The following DLGAP2 variants were observed in gnomAD, a reference collection of about 807,000 sequenced individuals.
DLGAP2 encodes DLG associated protein 2.
In DLGAP2, 26 loss-of-function variants were observed where a neutral mutation model predicts 100.3. The ratio of observed to expected loss-of-function variants is 0.26; its 90% CI spans 0.19 to 0.36. DLGAP2 has a LOEUF of 0.36. DLGAP2 is among the 10% of genes least tolerant of loss of function. The probability of loss-of-function intolerance (pLI) is 1.00; values close to 1 mark genes in which losing one functional copy is unlikely to be tolerated. For synonymous variants in DLGAP2, 886 were observed against 630.1 expected, an observed-to-expected ratio of 1.41 and a Z score of -6.08; for missense variants, 1,858 against 1,453.2, an observed-to-expected ratio of 1.28 and a Z score of -4.53.
chr8:981,254 G>A (rs530161773), intron 2 of DLGAP2, among the ~76,000 whole-genome samples: 43 of 152,298 alleles, frequency 2.8e-4, no homozygotes, highest in Admixed American at 2.1e-3. Context: ...TCAGAATACC[G>A]TTGCTTTCTG....
At chr8:1,182,580 G>C (rs796405030) in intron 2 of DLGAP2, among the ~76,000 whole-genome samples, 3 of 152,272 alleles carry the variant, frequency 2.0e-5, no homozygotes, top group African/African-American at 7.2e-5. Flanking sequence ...TGGCACTTGT[G>C]GCCCTAACAG....
At chr8:1,194,498 C>T (rs573536088) in intron 2 of DLGAP2, among the ~76,000 whole-genome samples, 1 of 152,232 alleles carries the variant, frequency 6.6e-6, no homozygotes, top group African/African-American at 2.4e-5. Flanking sequence ...CAGGTCATCC[C>T]CAGGGGTCCC....
At chr8:1,142,771 G>A (rs977410258) in intron 2 of DLGAP2, among the ~76,000 whole-genome samples, 1 of 152,096 alleles carries the variant, frequency 6.6e-6, no homozygotes, top group Non-Finnish European at 1.5e-5. Context: ...GGTGAGGGGA[G>A]GGAGGTTAGG....
intron 12 of DLGAP2, among the ~76,000 whole-genome samples, chr8:1,687,658 G>T (rs1293358629): frequency 6.6e-6 from 1 of 152,128 alleles, no homozygotes; most frequent in African/African-American, 2.4e-5. Context: ...TCGATACCAA[G>T]ATTTTGCCCA....
intron 3 of DLGAP2, among the ~76,000 whole-genome samples, chr8:1,482,593 C>T (rs1799126916): frequency 6.6e-6 from 1 of 152,262 alleles, no homozygotes; most frequent in Admixed American, 6.5e-5. Flanking sequence ...GGCTCGCTCT[C>T]GTGGGCCACG....
chr8:796,215 GT>G (rs775517955), intron 1 of DLGAP2, among the ~76,000 whole-genome samples: 3 of 152,208 alleles, frequency 2.0e-5, no homozygotes, highest in Non-Finnish European at 4.4e-5. Context: ...TCCAGGTAGA[GT>G]TTAGCAAGCA....
At chr8:1,246,491 C>T (rs1370101284) in intron 2 of DLGAP2, among the ~76,000 whole-genome samples, 1 of 152,160 alleles carries the variant, frequency 6.6e-6, no homozygotes, top group Non-Finnish European at 1.5e-5. Flanking sequence ...AGGGGAGCAG[C>T]ACAGAGCCAT....
At chr8:1,027,055 A>G (rs920721831) in intron 2 of DLGAP2, among the ~76,000 whole-genome samples, 5 of 152,342 alleles carry the variant, frequency 3.3e-5, no homozygotes, top group African/African-American at 1.2e-4. Flanking sequence ...CAGGTGAAAT[A>G]TGTGCCCATA....
chr8:849,595 A>C (rs372959058), intron 1 of DLGAP2, among the ~76,000 whole-genome samples: 4 of 152,180 alleles, frequency 2.6e-5, no homozygotes, highest in African/African-American at 7.2e-5. Flanking sequence ...CAGCGGTGCA[A>C]CATCCTTCCA....
chr8:1,264,871 C>T (rs575223620), intron 3 of DLGAP2, among the ~76,000 whole-genome samples: 17 of 152,168 alleles, frequency 1.1e-4, no homozygotes, highest in Admixed American at 3.9e-4. Context: ...GAGTCTTTCC[C>T]GTGCTGTTCT....
At chr8:761,904 A>G (rs1821095774) in intron 1 of DLGAP2, among the ~76,000 whole-genome samples, 1 of 152,196 alleles carries the variant, frequency 6.6e-6, no homozygotes, top group South Asian at 2.1e-4. Context: ...AGACTGAGAA[A>G]GTGAACGCCC....
intron 1 of DLGAP2, among the ~76,000 whole-genome samples, chr8:857,769 G>T (rs74373964): frequency 0.014 from 2,177 of 152,302 alleles, 59 homozygotes; most frequent in African/African-American, 0.05. Context: ...CCGCTAGGTG[G>T]TTCCTTACAA....
At chr8:1,029,792 TGC>T (rs1801923890) in intron 2 of DLGAP2, among the ~76,000 whole-genome samples, 1 of 152,088 alleles carries the variant, frequency 6.6e-6, no homozygotes, top group Non-Finnish European at 1.5e-5. Flanking sequence ...GCACCAAAAA[TGC>T]GTCCTTGTCT....
chr8:965,640 C>G lies in DLGAP2; in HGVS notation c.73+57674C>G, dbSNP rs868856053. Among the ~76,000 whole-genome samples, 8 of 140,428 alleles carry G rather than the reference C, an allele frequency of 5.7e-5. No homozygotes were observed. In the Middle Eastern group the frequency reaches 0.014, roughly 242 times the overall value. 92.1% of individuals were successfully genotyped at this position (140,428 alleles called of 152,430 possible). A position where few individuals can be genotyped will look rare whatever the true frequency, so the allele number is the denominator to read the frequency against. ...CCCGCACTGCACACGGCACTGTTCA[C>G]CACACAGGGCTCCTGAGTCTGACCC... On this transcript the variant is annotated intron_variant, in intron 2 of 14. Coordinates refer to ENST00000637795, the MANE Select transcript of DLGAP2 (RefSeq NM_001346810.2).
intron 8 of DLGAP2, among the ~76,000 whole-genome samples, chr8:1,662,849 TG>T (rs1317191245): frequency 1.3e-5 from 2 of 150,264 alleles, no homozygotes; most frequent in Admixed American, 6.6e-5. Flanking sequence ...AATGTGTGCC[TG>T]TGTGTACACG....
intron 1 of DLGAP2, among the ~76,000 whole-genome samples, chr8:847,911 A>T (rs66641031): frequency 6.6e-6 from 1 of 151,548 alleles, no homozygotes; most frequent in Non-Finnish European, 1.5e-5. Context: ...TCTTATTTTG[A>T]CTTTTAGCTT....
rs112972264 is a variant in DLGAP2 at position 1,272,041 on chromosome 8, C to G, written c.106+13158C>G. Among the ~76,000 whole-genome samples the G allele has an allele frequency of 7.9e-3, 1,208 of 152,214 alleles. 13 individuals are homozygous for G. The highest frequency in any genetic ancestry group is 0.027 in the African/African-American group (1,129 of 41,522). ...ACGTTGGCCAAGTTGGTCTCAAACT[C>G]CTGACCTCAGGTGATCCGCCTGCCT... On this transcript the variant is annotated intron_variant, in intron 3 of 14. Coordinates refer to ENST00000637795, the MANE Select transcript of DLGAP2 (RefSeq NM_001346810.2).
At chr8:1,042,052 G>T (rs1461104358) in intron 2 of DLGAP2, among the ~76,000 whole-genome samples, 3 of 152,180 alleles carry the variant, frequency 2.0e-5, no homozygotes, top group African/African-American at 7.2e-5. Context: ...GAGCAGAACG[G>T]CCAGGGAGTG....
intron 2 of DLGAP2, among the ~76,000 whole-genome samples, chr8:1,210,381 G>A (rs893517329): frequency 2.0e-5 from 3 of 152,208 alleles, no homozygotes; most frequent in African/African-American, 7.2e-5. Context: ...GATGCAGCCT[G>A]CAGCAGGGGA....
Sources: gnomAD v4.1 joint callset for allele counts (sites outside exome capture counted in the v4.1 genomes callset) on GRCh38, gnomAD v4.1.1 for gene constraint, MANE v1.5 for transcripts, NCBI Gene and HGNC (gene_info 2026-07-23, HGNC 2026-07-21) for gene names.